The following MYLK variants were observed in gnomAD, a reference collection of about 807,000 sequenced individuals.
The protein encoded by MYLK is myosin light chain kinase, also known as myosin light chain kinase, smooth muscle.
In MYLK, 106 loss-of-function variants were observed where a neutral mutation model predicts 203.4. The ratio of observed to expected loss-of-function variants is 0.52; its 90% CI spans 0.45 to 0.61. MYLK has a LOEUF of 0.61. Among genes scored for constraint, MYLK ranks in the 20% least tolerant of loss-of-function variants. The pLI is 0.00. For missense variants in MYLK, 2,072 were observed against 2,442.3 expected, an observed-to-expected ratio of 0.85 and a Z score of 3.20; for synonymous variants, 867 against 959.5, an observed-to-expected ratio of 0.90 and a Z score of 1.78.
At chr3:123,719,602 C>G (rs1273625855) in intron 13 of MYLK, among the ~76,000 whole-genome samples, 2 of 152,218 alleles carry the variant, frequency 1.3e-5, no homozygotes, top group African/African-American at 4.8e-5. Flanking sequence ...GTCAGCATCT[C>G]CATTTCACAC....
rs1376046700 is a variant in MYLK, at chr3:123,752,520, G to C, written c.184C>G (p.Pro62Ala). ...CCGTTTCTGTGCCATGTCACCTGGG[G>C]CTCTGGGTAACCCCGGACCTTCAAG... ...FEGRVRGYPE[P>A]QVTWHRNGQP... Residue 62 changes from proline (P) to alanine (A), a missense_variant, in exon 5 of 34, where the codon CCC (proline) becomes GCC (alanine). Pro to Ala is a conservative substitution (Grantham distance 27). Coordinates refer to ENST00000360304, the MANE Select transcript of MYLK (RefSeq NM_053025.4). 6.2e-7 allele frequency: 1 copy of C among 1,613,580 alleles called. No individual in the cohort carries two copies. The highest frequency in any genetic ancestry group is 1.3e-5 in the African/African-American group (1 of 74,916).
intron 23 of MYLK, among the ~76,000 whole-genome samples, chr3:123,661,813 C>T (rs755394244): frequency 3.9e-5 from 6 of 152,146 alleles, no homozygotes; most frequent in Non-Finnish European, 8.8e-5. Context: ...AATTCCCTCT[C>T]CCGGGTCCCC....
At chr3:123,786,276 T>C (rs1039130108) in intron 4 of MYLK, among the ~76,000 whole-genome samples, 1 of 151,174 alleles carries the variant, frequency 6.6e-6, no homozygotes, top group Middle Eastern at 3.2e-3. Context: ...GCACTCCAGC[T>C]TGGGGCAACA....
intron 27 of MYLK, chr3:123,644,475 T>TA (rs2058944343): frequency 1.3e-5 from 2 of 152,266 alleles, no homozygotes; most frequent in African/African-American, 4.8e-5. Flanking sequence ...GAAGCTTTCT[T>TA]ACATTTTCTC....
At chr3:123,797,656 A>T (rs2065037517) in intron 3 of MYLK, among the ~76,000 whole-genome samples, 1 of 152,146 alleles carries the variant, frequency 6.6e-6, no homozygotes, top group Non-Finnish European at 1.5e-5. Flanking sequence ...ACCCTGCCAC[A>T]AACCCGGGGA....
chr3:123,686,393 C>T (rs1205335236), intron 19 of MYLK, among the ~76,000 whole-genome samples: 3 of 151,770 alleles, frequency 2.0e-5, no homozygotes, highest in East Asian at 3.9e-4. Context: ...TAATCTCCCC[C>T]AAGAGGCTGG....
chr3:123,625,781 T>C (rs566112435), intron 31 of MYLK, among the ~76,000 whole-genome samples: 1 of 144,910 alleles, frequency 6.9e-6, no homozygotes, highest in African/African-American at 2.6e-5. Context: ...TACTCCAGCC[T>C]GGGCAACAGA....
At chr3:123,761,503 G>A (rs1032979405) in intron 4 of MYLK, among the ~76,000 whole-genome samples, 8 of 152,186 alleles carry the variant, frequency 5.3e-5, no homozygotes, top group African/African-American at 1.9e-4. Flanking sequence ...CATGTGGCCA[G>A]GAGAGCATCT....
In MYLK at chr3:123,738,764, C is replaced by T. The variant is rs536795427; in HGVS notation, c.588+133G>A. On this transcript the variant is annotated intron_variant, in intron 7 of 33. Coordinates refer to ENST00000360304, the MANE Select transcript of MYLK (RefSeq NM_053025.4). ...CCTTCTGTCATGATTGTGAGGCCTC[C>T]CCAGCCATGTGGAACGGTGAGTCCA... is the stretch of plus-strand genomic sequence containing the variant. The T allele has an allele frequency of 2.4e-6, 3 of 1,259,164 alleles. No homozygotes were observed. The African/African-American group carries it at 4.4e-5, about 19-fold the overall frequency. 78.0% of individuals were successfully genotyped at this position (1,259,164 alleles called of 1,614,324 possible).
At chr3:123,679,105 G>A (rs370796163) in intron 20 of MYLK, among the ~76,000 whole-genome samples, 11 of 152,022 alleles carry the variant, frequency 7.2e-5, no homozygotes, top group African/African-American at 1.2e-4. Context: ...TCAAGAGATC[G>A]AGACCATCCT....
chr3:123,759,222 C>A lies in MYLK; in HGVS notation c.166-6684G>T, dbSNP rs149749695. 2.1e-4 allele frequency among the ~76,000 whole-genome samples: 32 copies of A among 152,292 alleles called. 1 individual carries two copies. In the South Asian group the frequency reaches 2.3e-3, roughly 11 times the overall value. The stretch of plus-strand genomic sequence containing the variant: ...TTTTCATAGCAAAACAGATGTCCTT[C>A]TGGTTTAACTCCCAGCCCTTCTGGG... On this transcript the variant is annotated intron_variant, in intron 4 of 33. Coordinates refer to ENST00000360304, the MANE Select transcript of MYLK (RefSeq NM_053025.4).
intron 13 of MYLK, among the ~76,000 whole-genome samples, chr3:123,718,721 T>G (rs944344603): frequency 6.6e-6 from 1 of 152,138 alleles, no homozygotes; most frequent in Non-Finnish European, 1.5e-5. Context: ...TCACTGGCTT[T>G]TTCTCTTTAT....
At chr3:123,725,724 GC>G (rs2062254540) in intron 12 of MYLK, among the ~76,000 whole-genome samples, 1 of 152,214 alleles carries the variant, frequency 6.6e-6, no homozygotes, top group African/African-American at 2.4e-5. Flanking sequence ...CATGATTCCT[GC>G]CATGTAGATG....
chr3:123,706,160 T>A (rs1331316477), intron 16 of MYLK, among the ~76,000 whole-genome samples: 1 of 152,172 alleles, frequency 6.6e-6, no homozygotes, highest in Non-Finnish European at 1.5e-5. Context: ...CTTGCCTAAA[T>A]CAGCAGAACT....
Position 123,737,488 on chromosome 3 carries a change from A to G in MYLK, c.644T>C (p.Met215Thr), listed in dbSNP as rs2062717114. ...GACTCCATGGATTTCCAGAACCTGCATGCCGTTCTTCTCAGACACAGACAC... is the reference window on the plus strand; with the variant it reads ...GACTCCATGGATTTCCAGAACCTGCGTGCCGTTCTTCTCAGACACAGACAC... Reference protein sequence around the residue: ...ARVSVSEKNGMQVLEIHGVNQ... With the variant: ...ARVSVSEKNGTQVLEIHGVNQ... Residue 215 changes from methionine to threonine, a missense_variant, in exon 8 of 34, where the codon ATG (methionine) becomes ACG (threonine). Physicochemically the swap from Met to Thr is moderately conservative, Grantham distance 81. Around this residue, in one of 3 missense-constraint regions of MYLK, gnomAD observed 683 missense variants for 643.8 expected, o/e 1.06. Transcript: ENST00000360304. 1 of 1,614,214 alleles carries G rather than the reference A, an allele frequency of 6.2e-7. No homozygotes were observed. Among genetic ancestry groups the G allele is most frequent in the African/African-American group, 1.3e-5 (1 of 75,056 alleles).
chr3:123,779,224 A>G (rs889711610), intron 4 of MYLK, among the ~76,000 whole-genome samples: 1 of 152,144 alleles, frequency 6.6e-6, no homozygotes, highest in Non-Finnish European at 1.5e-5. Context: ...GCCTGAGCAG[A>G]CTGGCTGGGG....
At chr3:123,721,582 A>T (rs1366907010) in intron 13 of MYLK, among the ~76,000 whole-genome samples, 12 of 152,116 alleles carry the variant, frequency 7.9e-5, no homozygotes, top group Middle Eastern at 6.8e-3. Context: ...CGTGAGTAGA[A>T]GGGGGGCAGA....
chr3:123,777,344 T>A (rs1053003342), intron 4 of MYLK, among the ~76,000 whole-genome samples: 4 of 152,362 alleles, frequency 2.6e-5, no homozygotes, highest in African/African-American at 9.6e-5. Flanking sequence ...TGCTTTCTAT[T>A]CTTTCCATGG....
At chr3:123,649,576 G>T (rs1053583345) in intron 24 of MYLK, among the ~76,000 whole-genome samples, 10 of 152,194 alleles carry the variant, frequency 6.6e-5, no homozygotes, top group Non-Finnish European at 1.5e-4. Context: ...ACTTATAACT[G>T]CTTCTAGTGT....
Sources: gnomAD v4.1 joint callset for allele counts (sites outside exome capture counted in the v4.1 genomes callset) on GRCh38, gnomAD v4.1.1 for gene constraint, gnomAD v4.1.1 regional missense constraint, MANE v1.5 for transcripts, NCBI Gene and HGNC (gene_info 2026-07-23, HGNC 2026-07-21) for gene names.